The following EBF2 variants were observed in gnomAD, a reference collection of about 807,000 sequenced individuals.
The protein encoded by EBF2 is transcription factor COE2.
A neutral mutation model predicts 72.8 loss-of-function variants in EBF2; 21 were observed. The observed-to-expected ratio is 0.29, with a 90% confidence interval of 0.20 to 0.42. The LOEUF is 0.42. Ranked by LOEUF, EBF2 falls within the 10% of genes least tolerant of loss-of-function variation. EBF2 has a pLI of 1.00. For synonymous variants in EBF2, 299 were observed against 274.2 expected (o/e 1.09, Z -0.89); for missense variants, 637 against 731.2 (o/e 0.87, Z 1.49).
intron 6 of EBF2, among the ~76,000 whole-genome samples, chr8:25,989,610 C>G (rs947712007): frequency 1.3e-5 from 2 of 152,204 alleles, no homozygotes; most frequent in African/African-American, 4.8e-5. Context: ...AGATACATGA[C>G]AACGCAAATG....
At chr8:25,883,132 T>C (rs931213015) in intron 10 of EBF2, among the ~76,000 whole-genome samples, 14 of 152,214 alleles carry the variant, frequency 9.2e-5, no homozygotes, top group African/African-American at 3.4e-4. Context: ...TCCCTTAATC[T>C]CTAAAATTAT....
In EBF2 at chr8:25,873,994, T is replaced by C. The variant is rs1018311540; in HGVS notation, c.1010-11197A>G. 6.6e-5 allele frequency among the ~76,000 whole-genome samples: 10 copies of C among 151,944 alleles called. 1 individual carries two copies. Among genetic ancestry groups the C allele is most frequent in the Non-Finnish European group, 1.2e-4 (8 of 68,000 alleles). On this transcript the variant is annotated intron_variant, in intron 10 of 15. Coordinates refer to ENST00000520164, the MANE Select transcript of EBF2 (RefSeq NM_022659.4). Reference sequence around the variant, plus strand: ...ATCTGAATTTCACAAGAGGTGGGAGTGGAGACAACTTCAGTAAAAGTGCAG... The same window carrying C: ...ATCTGAATTTCACAAGAGGTGGGAGCGGAGACAACTTCAGTAAAAGTGCAG...
At chr8:25,980,906 C>G (rs1387767243) in intron 6 of EBF2, among the ~76,000 whole-genome samples, 1 of 42 alleles carries the variant, frequency 0.024, no homozygotes, top group Non-Finnish European at 0.05. Flanking sequence ...TGGGGGGTGA[C>G]CCCCTTCACC....
rs571866835 is a variant in EBF2 at position 25,987,771 on chromosome 8, G to C, written c.551+45314C>G. Among the ~76,000 whole-genome samples, 5 of 152,142 alleles carry C rather than the reference G, an allele frequency of 3.3e-5. No homozygotes were observed. In the East Asian group the frequency reaches 9.7e-4, roughly 30 times the overall value. On this transcript the variant is annotated intron_variant, in intron 6 of 15. Coordinates refer to ENST00000520164, the MANE Select transcript of EBF2 (RefSeq NM_022659.4). ...ACCCCCATTCCAATGCCCTCCAAAA[G>C]GTGTTCATTGTGCTCCCTAGAAGCC... is the stretch of plus-strand genomic sequence containing the variant.
chr8:25,889,757 G>A lies in EBF2; in HGVS notation c.746C>T (p.Ser249Leu), dbSNP rs201102910. ...CTGAGCGCAGGCAGCCCTACCTTCC[G>A]ATGGATCGAGTCTTCTTGCTCTCCG... is the stretch of plus-strand genomic sequence containing the variant. ...HGRRARRLDP[S>L]EATPCIKAIS... The change falls in exon 8 of 16, where the codon TCG (serine) becomes TTG (leucine). Residue 249 changes from serine (S) to leucine (L), a missense_variant. This residue lies in a region of EBF2 where 204 missense variants were observed against 301.2 expected (regional missense o/e 0.68). Coordinates refer to ENST00000520164, the MANE Select transcript of EBF2 (RefSeq NM_022659.4). 10 of 1,613,230 alleles carry A rather than the reference G, an allele frequency of 6.2e-6. No homozygotes were observed. The highest frequency in any genetic ancestry group is 2.7e-5 in the African/African-American group (2 of 75,012).
At chr8:25,879,409 T>A (rs1372269420) in intron 10 of EBF2, among the ~76,000 whole-genome samples, 3 of 152,218 alleles carry the variant, frequency 2.0e-5, no homozygotes, top group African/African-American at 2.4e-5. Flanking sequence ...CAGACATTTC[T>A]AGAAGTAGAA....
intron 5 of EBF2, 82 bp from the exon 6 acceptor site, chr8:26,033,235 TC>T (rs1182422596): frequency 1.2e-4 from 175 of 1,401,286 alleles, no homozygotes; most frequent in Middle Eastern, 5.4e-4. Context: ...GAACATTTTT[TC>T]CCCCCAGACA....
At chr8:25,906,007 C>T (rs1803025863) in intron 7 of EBF2, among the ~76,000 whole-genome samples, 2 of 152,102 alleles carry the variant, frequency 1.3e-5, no homozygotes, top group South Asian at 4.2e-4. Flanking sequence ...TTGAGATCAA[C>T]AATATTTATT....
chr8:25,845,158 G>C (rs1801806800), intron 15 of EBF2, among the ~76,000 whole-genome samples: 1 of 151,864 alleles, frequency 6.6e-6, no homozygotes, highest in South Asian at 2.1e-4. Flanking sequence ...TTCCTTTGGT[G>C]CTCACTGTTC....
intron 6 of EBF2, among the ~76,000 whole-genome samples, chr8:25,982,209 C>T (rs1234318602): frequency 1.3e-5 from 2 of 152,218 alleles, no homozygotes; most frequent in African/African-American, 4.8e-5. Flanking sequence ...TTCCCATACA[C>T]CAATGTTCTG....
intron 6 of EBF2, among the ~76,000 whole-genome samples, chr8:26,002,920 A>G (rs1437818135): frequency 3.4e-3 from 30 of 8,950 alleles, no homozygotes; most frequent in Admixed American, 0.016. Flanking sequence ...GCAGGCGGGC[A>G]GGCGGGCAGG....
chr8:25,946,924 G>A (rs910183224), intron 6 of EBF2, among the ~76,000 whole-genome samples: 1 of 152,146 alleles, frequency 6.6e-6, no homozygotes, highest in Admixed American at 6.5e-5. Context: ...ACAGAGTTAC[G>A]TTTTTTTGTG....
intron 10 of EBF2, among the ~76,000 whole-genome samples, chr8:25,886,430 G>A (rs1249533866): frequency 6.6e-6 from 1 of 152,180 alleles, no homozygotes; most frequent in Admixed American, 6.5e-5. Context: ...AGAAAATGTA[G>A]TTACAGCCAA....
At chr8:25,933,846 TA>T (rs1468810689) in intron 6 of EBF2, among the ~76,000 whole-genome samples, 1 of 152,126 alleles carries the variant, frequency 6.6e-6, no homozygotes, top group Middle Eastern at 3.2e-3. Flanking sequence ...CAGAGAGAGA[TA>T]AGAGACAAAA....
chr8:25,957,204 A>C (rs991020200), intron 6 of EBF2, among the ~76,000 whole-genome samples: 4 of 152,174 alleles, frequency 2.6e-5, no homozygotes, highest in Non-Finnish European at 5.9e-5. Context: ...TTCCCCCCCA[A>C]GAGCAAATCT....
chr8:25,913,179 A>C (rs972709244), intron 6 of EBF2, among the ~76,000 whole-genome samples: 1 of 152,120 alleles, frequency 6.6e-6, no homozygotes, highest in Admixed American at 6.6e-5. Context: ...GCGGTGGCTC[A>C]CTCCTGTAAT....
intron 2 of EBF2, chr8:26,041,296 C>T (rs779066502): frequency 2.1e-6 from 1 of 471,320 alleles, no homozygotes; most frequent in Non-Finnish European, 3.9e-6. Flanking sequence ...GCCAAAGCTG[C>T]CTTTAAACAG....
intron 14 of EBF2, chr8:25,858,006 G>A: frequency 2.0e-6 from 1 of 490,294 alleles, no homozygotes; most frequent in South Asian, 1.7e-5. Flanking sequence ...AAGTGCCTAA[G>A]AGCACACATA....
chr8:26,028,422 C>A (rs1805338698), intron 6 of EBF2, among the ~76,000 whole-genome samples: 1 of 152,140 alleles, frequency 6.6e-6, no homozygotes, highest in Admixed American at 6.5e-5. Flanking sequence ...CTAGAAAATA[C>A]CCTACCAGTA....
Sources: gnomAD v4.1 joint callset for allele counts (sites outside exome capture counted in the v4.1 genomes callset) on GRCh38, gnomAD v4.1.1 for gene constraint, gnomAD v4.1.1 regional missense constraint, MANE v1.5 for transcripts, NCBI Gene and HGNC (gene_info 2026-07-23, HGNC 2026-07-21) for gene names.